PCSK2: variants seen among roughly 807,000 people sequenced by gnomAD.
PCSK2 encodes proprotein convertase subtilisin/kexin type 2, also known as neuroendocrine convertase 2.
In PCSK2, 14 loss-of-function variants were observed where a neutral mutation model predicts 69.7. The ratio of observed to expected loss-of-function variants is 0.20; its 90% CI spans 0.13 to 0.31. The LOEUF (loss-of-function observed/expected upper bound fraction) is 0.31. PCSK2 is among the 10% of genes least tolerant of loss of function. PCSK2 has a pLI of 1.00. For synonymous variants in PCSK2, 307 were observed against 320.7 expected, an observed-to-expected ratio of 0.96 and a Z score of 0.46; for missense variants, 544 against 842.5, an observed-to-expected ratio of 0.65 and a Z score of 4.39.
intron 7 of PCSK2, 69 bp from the exon 8 acceptor site, chr20:17,436,639 C>A: frequency 7.1e-7 from 1 of 1,400,126 alleles, no homozygotes; most frequent in Non-Finnish European, 9.9e-7. Flanking sequence ...CCCAAGCCCT[C>A]CTCCACCTCC....
At chr20:17,283,603 C>G (rs1378970986) in intron 2 of PCSK2, among the ~76,000 whole-genome samples, 1 of 152,184 alleles carries the variant, frequency 6.6e-6, no homozygotes, top group Non-Finnish European at 1.5e-5. Context: ...TTTCTTAGGT[C>G]AGGCCTAATT....
At chr20:17,353,247 G>A (rs201098550) in intron 2 of PCSK2, among the ~76,000 whole-genome samples, 2,371 of 47,332 alleles carry the variant, frequency 0.05, 19 homozygotes, top group African/African-American at 0.15. Flanking sequence ...CGGATCACGA[G>A]GTCAGGAGAT....
intron 1 of PCSK2, among the ~76,000 whole-genome samples, chr20:17,231,531 C>T (rs2122929498): frequency 6.6e-6 from 1 of 152,268 alleles, no homozygotes; most frequent in East Asian, 1.9e-4. Context: ...TTTTGGCAAA[C>T]ACATATATGG....
In PCSK2 at chr20:17,436,861, C is replaced by T; in HGVS notation, c.863C>T (p.Ala288Val). Residue 288 changes from alanine to valine, a missense_variant, in exon 8 of 12, where the codon GCC (alanine) becomes GTC (valine). By Grantham distance (64) the Ala-to-Val change is moderately conservative. Coordinates refer to ENST00000262545, the MANE Select transcript of PCSK2 (RefSeq NM_002594.5). Reference sequence around the variant, plus strand: ...GGGCCCCGGGAGCTCACGCTGCAGGCCATGGCCGATGGCGTGAACAAGGTA... The same window carrying T: ...GGGCCCCGGGAGCTCACGCTGCAGGTCATGGCCGATGGCGTGAACAAGGTA... Reference protein sequence around the residue: ...VDGPRELTLQAMADGVNKGRG... With the variant: ...VDGPRELTLQVMADGVNKGRG... 1 of 1,612,280 alleles carries T rather than the reference C, an allele frequency of 6.2e-7. No homozygotes were observed. The highest frequency in any genetic ancestry group is 8.5e-7 in the Non-Finnish European group (1 of 1,179,398).
chr20:17,380,025 A>G (rs1170235869), intron 5 of PCSK2, among the ~76,000 whole-genome samples: 1 of 152,146 alleles, frequency 6.6e-6, no homozygotes, highest in Non-Finnish European at 1.5e-5. Context: ...AACCACAAAC[A>G]ACTGAATGAA....
intron 5 of PCSK2, among the ~76,000 whole-genome samples, chr20:17,393,754 T>C (rs2031442973): frequency 6.6e-6 from 1 of 152,166 alleles, no homozygotes; most frequent in African/African-American, 2.4e-5. Flanking sequence ...CCACTTGTTT[T>C]CCTAAAATAA....
At chr20:17,435,495 G>A (rs558079849) in intron 7 of PCSK2, among the ~76,000 whole-genome samples, 1 of 152,282 alleles carries the variant, frequency 6.6e-6, no homozygotes, top group African/African-American at 2.4e-5. Context: ...GCAATTTCAT[G>A]TCCATTTCAG....
chr20:17,393,465 A>G (rs1272427736), intron 5 of PCSK2, among the ~76,000 whole-genome samples: 1 of 152,218 alleles, frequency 6.6e-6, no homozygotes, highest in African/African-American at 2.4e-5. Context: ...GAAAGCTAAA[A>G]AAAAGTTAGA....
At chr20:17,254,113 C>T (rs548583332) in intron 1 of PCSK2, among the ~76,000 whole-genome samples, 24 of 152,116 alleles carry the variant, frequency 1.6e-4, no homozygotes, top group Non-Finnish European at 2.9e-4. Flanking sequence ...TGTGCGAGAT[C>T]CTTATCAGAG....
At chr20:17,313,099 T>A (rs1024629400) in intron 2 of PCSK2, among the ~76,000 whole-genome samples, 7 of 152,234 alleles carry the variant, frequency 4.6e-5, no homozygotes, top group African/African-American at 1.7e-4. Flanking sequence ...AATATAATTT[T>A]AATAATATAT....
At chr20:17,364,927 G>T (rs930928324) in intron 4 of PCSK2, among the ~76,000 whole-genome samples, 4 of 152,146 alleles carry the variant, frequency 2.6e-5, no homozygotes, top group African/African-American at 9.7e-5. Context: ...CCGTCAAAAA[G>T]AGTGCCCACA....
intron 5 of PCSK2, among the ~76,000 whole-genome samples, chr20:17,401,730 G>A (rs1016951342): frequency 6.6e-6 from 1 of 152,092 alleles, no homozygotes; most frequent in Non-Finnish European, 1.5e-5. Context: ...ACCCTAATGT[G>A]GAATGAAGAT....
chr20:17,471,990 A>C (rs1161541103), intron 11 of PCSK2, among the ~76,000 whole-genome samples: 1 of 152,230 alleles, frequency 6.6e-6, no homozygotes, highest in Non-Finnish European at 1.5e-5. Context: ...AGATGGAGTC[A>C]ATTTGAAAAG....
rs537959890 is a variant in PCSK2, at chr20:17,260,338, C to T, written c.276C>T (p.Asp92=). 3.7e-6 allele frequency: 6 copies of T among 1,608,718 alleles called. No homozygotes were observed. The African/African-American group carries it at 6.7e-5, about 18-fold the overall frequency. The change falls in exon 2 of 12, where the codon GAC becomes GAT. Residue 92 remains aspartate (D), a synonymous_variant. Transcript: ENST00000262545. ...SLHHKQQLER[D]PRVKMALQQE... Reference sequence around the variant, plus strand: ...ACCACAAGCAGCAGCTGGAGAGAGACCCCAGGGTGAGTTTTCCCCAGAAAC... The same window carrying T: ...ACCACAAGCAGCAGCTGGAGAGAGATCCCAGGGTGAGTTTTCCCCAGAAAC...
intron 11 of PCSK2, among the ~76,000 whole-genome samples, chr20:17,474,778 C>T (rs1222663694): frequency 2.0e-5 from 3 of 152,036 alleles, no homozygotes; most frequent in African/African-American, 4.8e-5. Flanking sequence ...AAGTGGTCGC[C>T]GGCCTACATC....
rs956823189 is a variant in PCSK2 at position 17,470,627 on chromosome 20, T to C, written c.1430+5074T>C. Among the ~76,000 whole-genome samples the C allele has an allele frequency of 3.9e-5, 6 of 152,318 alleles. No homozygotes were observed. In the South Asian group the frequency reaches 1.2e-3, roughly 32 times the overall value. ...GCTGCTAAGAACTTCTCTCGGAAAG[T>C]CACTGGGATAGCACTTTATTCCACT... On this transcript the variant is annotated intron_variant, in intron 11 of 11. Transcript: ENST00000262545.
At chr20:17,236,249 A>G (rs1281429387) in intron 1 of PCSK2, among the ~76,000 whole-genome samples, 1 of 152,142 alleles carries the variant, frequency 6.6e-6, no homozygotes, top group South Asian at 2.1e-4. Flanking sequence ...AAAGAAAACT[A>G]TGGAAATTGT....
At chr20:17,357,224 A>C (rs1168632106) in intron 2 of PCSK2, among the ~76,000 whole-genome samples, 1 of 152,288 alleles carries the variant, frequency 6.6e-6, no homozygotes, top group African/African-American at 2.4e-5. Context: ...CCTAAATTGC[A>C]TTTACATCCA....
intron 1 of PCSK2, among the ~76,000 whole-genome samples, chr20:17,238,886 C>G (rs1478331341): frequency 6.6e-6 from 1 of 152,106 alleles, no homozygotes. Context: ...CCCTTAGTGA[C>G]TAAACAGTGC....
Sources: gnomAD v4.1 joint callset for allele counts (sites outside exome capture counted in the v4.1 genomes callset) on GRCh38, gnomAD v4.1.1 for gene constraint, MANE v1.5 for transcripts, NCBI Gene and HGNC (gene_info 2026-07-23, HGNC 2026-07-21) for gene names.